CEMIP2: variants seen among roughly 807,000 people sequenced by gnomAD.
The protein encoded by CEMIP2 is cell migration inducing hyaluronidase 2.
In CEMIP2, 79 loss-of-function variants were observed where a neutral mutation model predicts 146.9. The observed-to-expected ratio is 0.54, with a 90% CI of 0.45 to 0.65. The LOEUF (loss-of-function observed/expected upper bound fraction) is 0.65, where lower values mean the gene tolerates loss of function less well. Among genes scored for constraint, CEMIP2 ranks in the 30% least tolerant of loss-of-function variants. The pLI is 0.00. For synonymous variants in CEMIP2, 601 were observed against 606.3 expected (o/e 0.99, Z 0.13); for missense variants, 1,596 against 1,696.2 (o/e 0.94, Z 1.04).
upstream of CEMIP2, among the ~76,000 whole-genome samples, chr9:71,769,355 C>G (rs1824901129): frequency 6.6e-6 from 1 of 152,240 alleles, no homozygotes; most frequent in Non-Finnish European, 1.5e-5. Context: ...TTCTGAGCGT[C>G]CAGTCACAGC....
intron 5 of CEMIP2, 41 bp downstream of exon 5, chr9:71,740,022 C>A: frequency 6.4e-7 from 1 of 1,570,778 alleles, no homozygotes. Flanking sequence ...TGTCATAATA[C>A]TTATCAGTGT....
chr9:71,692,920 A>G (rs148508222), intron 21 of CEMIP2, among the ~76,000 whole-genome samples: 76 of 73,030 alleles, frequency 1.0e-3, no homozygotes, highest in Middle Eastern at 5.7e-3. Context: ...CAAACAAACA[A>G]ACGACAACAA....
chr9:71,725,833 G>T, intron 10 of CEMIP2, 124 bp from the exon 11 acceptor site: 1 of 1,085,866 alleles, frequency 9.2e-7, no homozygotes, highest in Non-Finnish European at 1.3e-6. Context: ...CATTATTGCA[G>T]GTTCAGAATT....
chr9:71,707,123 C>A (rs996598380), intron 17 of CEMIP2, among the ~76,000 whole-genome samples: 2 of 152,134 alleles, frequency 1.3e-5, no homozygotes, highest in Admixed American at 1.3e-4. Context: ...CCACCATGCC[C>A]GGCCTTAGTT....
intron 14 of CEMIP2, among the ~76,000 whole-genome samples, chr9:71,715,648 A>ATATATATATATATG (rs967444649): frequency 7.5e-6 from 1 of 134,210 alleles, no homozygotes; most frequent in Non-Finnish European, 1.6e-5. Context: ...ATATATATAT[A>ATATATATATATATG]CTTTTTTTTT....
At position 71,690,075 on chromosome 9, in the gene CEMIP2, G is replaced by C; in HGVS notation, c.3851+17C>G. ...TTTAAGGTGGCTTTTCCCTGTTACA[G>C]CACAAGCTTGACCTACCTTGGAGGG... On this transcript the variant is annotated intron_variant, in intron 22 of 23. Transcript: ENST00000377044. 4.3e-6 allele frequency: 7 copies of C among 1,611,914 alleles called. No homozygotes were observed. The highest frequency in any genetic ancestry group is 5.1e-6 in the Non-Finnish European group (6 of 1,178,350).
chr9:71,700,767 G>T lies in CEMIP2; in HGVS notation c.3252C>A (p.Thr1084=). The part of the protein sequence containing the change: ...CYPSNTSFQV[T]FGYLQRQNGS... ...CATTCTGCCGCTGCAAATAGCCAAA[G>T]GTAACTTGAAAACTTGTGTTTGATG... Residue 1084 remains threonine, a synonymous_variant, in exon 19 of 24, where the codon ACC becomes ACA. Transcript: ENST00000377044. The T allele has an allele frequency of 6.2e-7, 1 of 1,614,014 alleles. No homozygotes were observed. The highest frequency in any genetic ancestry group is 1.1e-5 in the South Asian group (1 of 91,050).
intron 15 of CEMIP2, among the ~76,000 whole-genome samples, chr9:71,714,072 C>T (rs373718443): frequency 2.6e-5 from 4 of 152,060 alleles, no homozygotes; most frequent in African/African-American, 7.2e-5. Flanking sequence ...AGCTCTCCCC[C>T]GAGTCCTCAC....
At chr9:71,710,854 C>A (rs1049766788) in intron 16 of CEMIP2, among the ~76,000 whole-genome samples, 12 of 152,188 alleles carry the variant, frequency 7.9e-5, no homozygotes, top group African/African-American at 2.4e-4. Flanking sequence ...ACCAGCCAAC[C>A]AAGCTGACAC....
chr9:71,701,836 T>C (rs1822570669), intron 18 of CEMIP2, among the ~76,000 whole-genome samples: 2 of 152,232 alleles, frequency 1.3e-5, no homozygotes, highest in Admixed American at 1.3e-4. Context: ...TTTACCATTT[T>C]AATAATTTTT....
chr9:71,750,795 G>A (rs572484663), intron 1 of CEMIP2, among the ~76,000 whole-genome samples: 21 of 152,072 alleles, frequency 1.4e-4, no homozygotes, highest in African/African-American at 5.1e-4. Context: ...TGCCCAGACT[G>A]AAGTGCAGTG....
rs1823118120 is a variant in CEMIP2, at chr9:71,718,037, A to G, written c.2310T>C (p.Val770=). 6 of 1,612,978 alleles carry G rather than the reference A, an allele frequency of 3.7e-6. No individual in the cohort carries two copies. The South Asian group carries it at 5.5e-5, about 15-fold the overall frequency. The change falls in exon 13 of 24, where the codon GTT becomes GTC. Residue 770 remains valine, a synonymous_variant. Coordinates refer to ENST00000377044, the MANE Select transcript of CEMIP2 (RefSeq NM_013390.3). ...CAATGAGCCTGTCAATTAGAGCAGC[A>G]ACACGTGGTTTTTCGGGGTTTGCAT... The part of the protein sequence containing the change: ...HQDANPEKPR[V]AALIDRLIAF...
chr9:71,740,311 G>A, intron 4 of CEMIP2, 79 bp from the exon 5 acceptor site: 1 of 1,520,942 alleles, frequency 6.6e-7, no homozygotes. Context: ...TTATTACAGA[G>A]TGCTGTTTAA....
intron 1 of CEMIP2, among the ~76,000 whole-genome samples, chr9:71,761,918 C>T (rs1824647689): frequency 6.6e-6 from 1 of 152,032 alleles, no homozygotes; most frequent in Non-Finnish European, 1.5e-5. Flanking sequence ...TTTACTCACC[C>T]AAATGTGCAC....
chr9:71,718,371 G>T (rs1438647827), intron 12 of CEMIP2, among the ~76,000 whole-genome samples: 4 of 152,058 alleles, frequency 2.6e-5, no homozygotes, highest in African/African-American at 9.7e-5. Flanking sequence ...AAAAAACCCA[G>T]ATCAGGAAGT....
rs1004536034 is a variant in CEMIP2, at chr9:71,755,831, A to C, written c.-12-5446T>G. Among the ~76,000 whole-genome samples, 24 of 151,754 alleles carry C rather than the reference A, an allele frequency of 1.6e-4. 1 individual carries two copies. The South Asian group carries it at 4.8e-3, about 30-fold the overall frequency. ...AAAAAAATTAACTGGGCATGGTGGCATGTGCCTTTAGTCCTAGCTACTCAC... is the reference window on the plus strand; with the variant it reads ...AAAAAAATTAACTGGGCATGGTGGCCTGTGCCTTTAGTCCTAGCTACTCAC... On this transcript the variant is annotated intron_variant, in intron 1 of 23. Coordinates refer to ENST00000377044, the MANE Select transcript of CEMIP2 (RefSeq NM_013390.3).
intron 1 of CEMIP2, among the ~76,000 whole-genome samples, chr9:71,756,191 C>CTAGA (rs144371815): frequency 1.2e-3 from 150 of 128,492 alleles, no homozygotes; most frequent in Middle Eastern, 8.7e-3. Context: ...AGCAAAAATG[C>CTAGA]TAGATAGATA....
intron 10 of CEMIP2, among the ~76,000 whole-genome samples, chr9:71,727,561 C>A (rs1417591607): frequency 6.6e-6 from 1 of 152,170 alleles, no homozygotes; most frequent in Non-Finnish European, 1.5e-5. Flanking sequence ...CCCACTGATG[C>A]CTTTTTTCCT....
intron 7 of CEMIP2, 86 bp downstream of exon 7, chr9:71,732,265 A>G: frequency 7.3e-7 from 1 of 1,366,612 alleles, no homozygotes; most frequent in Non-Finnish European, 9.9e-7. Context: ...ATATCCATTT[A>G]TATCTTGTTC....
Sources: allele counts gnomAD v4.1 joint callset (sites outside exome capture counted in the v4.1 genomes callset), GRCh38; gene constraint gnomAD v4.1.1; transcripts MANE v1.5; gene names NCBI Gene and HGNC (gene_info 2026-07-23, HGNC 2026-07-21).